FTO: variants seen among roughly 807,000 people sequenced by gnomAD.
FTO encodes alpha-ketoglutarate-dependent dioxygenase FTO.
In FTO, 47 loss-of-function variants were observed where a neutral mutation model predicts 63.9. That is an observed-to-expected ratio of 0.74 (90% CI 0.58 to 0.94). The LOEUF (loss-of-function observed/expected upper bound fraction) is 0.94, where lower values mean the gene tolerates loss of function less well. Among genes scored for constraint, FTO ranks in the 40% least tolerant of loss-of-function variants. The pLI is 0.00. For synonymous variants in FTO, 207 were observed against 224.4 expected (o/e 0.92, Z 0.69); for missense variants, 562 against 618.1 (o/e 0.91, Z 0.96).
chr16:53,739,236 C>G (rs145947267), intron 1 of FTO, among the ~76,000 whole-genome samples: 3,339 of 136,974 alleles, frequency 0.024, 97 homozygotes, highest in African/African-American at 0.08. Flanking sequence ...GACGGAGTCT[C>G]GCTCTGTCGC....
At chr16:53,736,091 A>T (rs2076385161) in intron 1 of FTO, among the ~76,000 whole-genome samples, 1 of 152,208 alleles carries the variant, frequency 6.6e-6, no homozygotes, top group Non-Finnish European at 1.5e-5. Context: ...TGTCCATTTT[A>T]TGGATGGAGA....
At position 53,923,899 on chromosome 16, in the gene FTO, G is replaced by T. The variant is rs138620309; in HGVS notation, c.1240-10086G>T. The stretch of plus-strand genomic sequence containing the variant: ...CGAGAGTTTCTGCAGTGGCAGGCAG[G>T]CTGCTGTGGCTCCATGGCTTTTTGT... On this transcript the variant is annotated intron_variant, in intron 7 of 8. Coordinates refer to ENST00000471389, the MANE Select transcript of FTO (RefSeq NM_001080432.3). Among the ~76,000 whole-genome samples the T allele has an allele frequency of 1.3e-3, 194 of 152,082 alleles. 1 individual carries two copies. The highest frequency in any genetic ancestry group is 4.6e-3 in the African/African-American group (191 of 41,506).
At chr16:53,946,909 T>C (rs181559577) in intron 8 of FTO, among the ~76,000 whole-genome samples, 1 of 152,348 alleles carries the variant, frequency 6.6e-6, no homozygotes, top group Admixed American at 6.5e-5. Context: ...CATTTCCAGT[T>C]TCACCATCAA....
At chr16:53,943,564 A>G (rs2082586403) in intron 8 of FTO, among the ~76,000 whole-genome samples, 1 of 152,234 alleles carries the variant, frequency 6.6e-6, no homozygotes, top group South Asian at 2.1e-4. Flanking sequence ...AACAGAACTG[A>G]TGACAGTTCT....
At chr16:53,894,740 A>G (rs543107402) in intron 7 of FTO, among the ~76,000 whole-genome samples, 19 of 152,186 alleles carry the variant, frequency 1.2e-4, no homozygotes, top group African/African-American at 4.3e-4. Flanking sequence ...CAGGGTTAGC[A>G]TTTCTGATTT....
intron 1 of FTO, among the ~76,000 whole-genome samples, chr16:53,710,892 G>C (rs1354859236): frequency 6.6e-6 from 1 of 151,724 alleles, no homozygotes; most frequent in South Asian, 2.1e-4. Context: ...TTACAATATA[G>C]TGGTGTAGTG....
Position 53,856,880 on chromosome 16 carries a change from G to A in FTO, c.895+12582G>A, listed in dbSNP as rs149799905. On this transcript the variant is annotated intron_variant, in intron 4 of 8. Coordinates refer to ENST00000471389, the MANE Select transcript of FTO (RefSeq NM_001080432.3). ...GGTTTTGTAGTCTGTCCTACAGTTG[G>A]TTGGGGTAACAACCTCTTTTCTTAT... Among the ~76,000 whole-genome samples the A allele has an allele frequency of 3.1e-4, 47 of 152,294 alleles. No homozygotes were observed. In the East Asian group the frequency reaches 7.7e-3, roughly 25 times the overall value.
intron 4 of FTO, among the ~76,000 whole-genome samples, chr16:53,870,842 T>A (rs1263855406): frequency 1.3e-5 from 2 of 152,244 alleles, no homozygotes; most frequent in African/African-American, 4.8e-5. Context: ...ATTTCATAAC[T>A]ATTCTTATAG....
At chr16:54,036,808 G>A (rs1291688414) in intron 8 of FTO, among the ~76,000 whole-genome samples, 2 of 152,122 alleles carry the variant, frequency 1.3e-5, no homozygotes, top group Admixed American at 1.3e-4. Flanking sequence ...TAATACAGAG[G>A]ACACTTATGA....
At chr16:53,993,699 G>A (rs1375181465) in intron 8 of FTO, 1 of 152,176 alleles carries the variant, frequency 6.6e-6, no homozygotes, top group Non-Finnish European at 1.5e-5. Context: ...TGCTGCTTCT[G>A]AATATGAGCC....
chr16:53,983,405 G>A (rs2083591725), intron 8 of FTO, among the ~76,000 whole-genome samples: 1 of 151,982 alleles, frequency 6.6e-6, no homozygotes, highest in Non-Finnish European at 1.5e-5. Flanking sequence ...TGACGGAACT[G>A]GGGCCCAGGA....
chr16:53,742,698 C>G (rs1191561739), intron 1 of FTO, among the ~76,000 whole-genome samples: 1 of 152,086 alleles, frequency 6.6e-6, no homozygotes, highest in Non-Finnish European at 1.5e-5. Context: ...ATAGTATGTA[C>G]CAGGCATTTT....
intron 8 of FTO, among the ~76,000 whole-genome samples, chr16:54,034,945 A>G (rs1379559717): frequency 6.6e-6 from 1 of 152,244 alleles, no homozygotes; most frequent in Non-Finnish European, 1.5e-5. Flanking sequence ...ATCCCTTCCA[A>G]ACTAATGATG....
At chr16:53,999,450 TC>T (rs1345165836) in intron 8 of FTO, among the ~76,000 whole-genome samples, 1 of 152,154 alleles carries the variant, frequency 6.6e-6, no homozygotes, top group African/African-American at 2.4e-5. Flanking sequence ...AACTCATCTC[TC>T]CCAGCTTAGG....
At chr16:54,055,203 G>T (rs1393092237) in intron 8 of FTO, among the ~76,000 whole-genome samples, 1 of 152,214 alleles carries the variant, frequency 6.6e-6, no homozygotes, top group Non-Finnish European at 1.5e-5. Context: ...CTGATGTTCA[G>T]TCTTGCTCTG....
At chr16:53,949,124 G>T (rs1227208907) in intron 8 of FTO, among the ~76,000 whole-genome samples, 2 of 149,164 alleles carry the variant, frequency 1.3e-5, no homozygotes, top group Admixed American at 1.4e-4. Flanking sequence ...TTTGATAAAG[G>T]GTTTAATTCT....
intron 1 of FTO, among the ~76,000 whole-genome samples, chr16:53,753,835 G>A (rs1325318726): frequency 1.3e-5 from 2 of 152,194 alleles, no homozygotes; most frequent in Admixed American, 6.5e-5. Flanking sequence ...ATCACATGAA[G>A]CTAGGATTTC....
intron 8 of FTO, among the ~76,000 whole-genome samples, chr16:54,052,137 C>T (rs889909129): frequency 6.6e-6 from 1 of 152,090 alleles, no homozygotes; most frequent in African/African-American, 2.4e-5. Flanking sequence ...TGGTTATGGG[C>T]ATGTAATATG....
At chr16:53,756,122 CA>C (rs2151585950) in intron 1 of FTO, among the ~76,000 whole-genome samples, 1 of 152,072 alleles carries the variant, frequency 6.6e-6, no homozygotes, top group East Asian at 1.9e-4. Flanking sequence ...AAACAACCTA[CA>C]AAAAGATCAT....
Sources: allele counts gnomAD v4.1 joint callset (sites outside exome capture counted in the v4.1 genomes callset), GRCh38; gene constraint gnomAD v4.1.1; transcripts MANE v1.5; gene names NCBI Gene and HGNC (gene_info 2026-07-23, HGNC 2026-07-21).